The following PRDM16 variants were observed in gnomAD, a reference collection of about 807,000 sequenced individuals.
PRDM16 encodes histone-lysine N-methyltransferase PRDM16.
A neutral mutation model predicts 110.6 loss-of-function variants in PRDM16; 23 were observed. That is an observed-to-expected ratio of 0.21 (90% CI 0.15 to 0.29). The LOEUF (loss-of-function observed/expected upper bound fraction) is 0.29, where lower values mean the gene tolerates loss of function less well. Among genes scored for constraint, PRDM16 ranks in the 10% least tolerant of loss-of-function variants. The probability of loss-of-function intolerance (pLI) is 1.00; values close to 1 mark genes in which losing one functional copy is unlikely to be tolerated. For missense variants in PRDM16, 1,615 were observed against 1,794.3 expected, an observed-to-expected ratio of 0.90 and a Z score of 1.81; for synonymous variants, 799 against 781.8, an observed-to-expected ratio of 1.02 and a Z score of -0.37.
At chr1:3,429,632 G>A (rs1460342938) in intron 14 of PRDM16, among the ~76,000 whole-genome samples, 2 of 152,242 alleles carry the variant, frequency 1.3e-5, no homozygotes, top group African/African-American at 2.4e-5. Context: ...ACCAGGACCC[G>A]GATCCCAGCA....
At position 3,249,303 on chromosome 1, in the gene PRDM16, C is replaced by T. The variant is rs577033722; in HGVS notation, c.438+5166C>T. Among the ~76,000 whole-genome samples, 5 of 152,170 alleles carry T rather than the reference C, an allele frequency of 3.3e-5. No individual in the cohort carries two copies. In the South Asian group the frequency reaches 1.0e-3, roughly 32 times the overall value. ...AAACACAGAGCTGCAGAAGGAGGCG[C>T]TGCTATGCATGCATCGGGCTCAGCT... On this transcript the variant is annotated intron_variant, in intron 3 of 16. Coordinates refer to ENST00000270722, the MANE Select transcript of PRDM16 (RefSeq NM_022114.4).
intron 1 of PRDM16, among the ~76,000 whole-genome samples, chr1:3,172,080 G>A (rs905954081): frequency 6.6e-5 from 10 of 152,218 alleles, no homozygotes; most frequent in African/African-American, 2.2e-4. Flanking sequence ...CGGCTGCCAA[G>A]CCAGCTGCCC....
intron 1 of PRDM16, among the ~76,000 whole-genome samples, chr1:3,147,690 C>G (rs971875425): frequency 6.6e-6 from 1 of 152,156 alleles, no homozygotes; most frequent in African/African-American, 2.4e-5. Flanking sequence ...TCTGGGCACC[C>G]AGGACTTGGC....
At chr1:3,166,971 C>T (rs920288637) in intron 1 of PRDM16, among the ~76,000 whole-genome samples, 2 of 152,164 alleles carry the variant, frequency 1.3e-5, no homozygotes, top group Admixed American at 6.5e-5. Context: ...TGCTCGAGTA[C>T]GCACGGTGGA....
chr1:3,202,569 T>G (rs1638656265), intron 2 of PRDM16, among the ~76,000 whole-genome samples: 1 of 152,206 alleles, frequency 6.6e-6, no homozygotes, highest in Non-Finnish European at 1.5e-5. Flanking sequence ...CCATGTCCCC[T>G]TAAGGGTCTG....
intron 3 of PRDM16, among the ~76,000 whole-genome samples, chr1:3,301,732 A>G (rs1641212697): frequency 1.3e-5 from 2 of 152,208 alleles, no homozygotes; most frequent in Admixed American, 1.3e-4. Context: ...AAGCAAAGCC[A>G]CTGTCCCAAG....
intron 1 of PRDM16, among the ~76,000 whole-genome samples, chr1:3,128,803 G>C (rs984713172): frequency 3.9e-5 from 6 of 152,246 alleles, no homozygotes; most frequent in African/African-American, 1.4e-4. Context: ...GTAGCCTGAA[G>C]AGTGGACAGC....
chr1:3,406,435 G>A (rs571478716), intron 8 of PRDM16, among the ~76,000 whole-genome samples: 12 of 152,190 alleles, frequency 7.9e-5, no homozygotes, highest in South Asian at 6.2e-4. Flanking sequence ...GTGAGTGAGC[G>A]GAGTGAGAAG....
Position 3,425,961 on chromosome 1 carries a change from C to A in PRDM16, c.3110-90C>A, listed in dbSNP as rs1333945565. On this transcript the variant is annotated intron_variant, in intron 13 of 16. Coordinates refer to ENST00000270722, the MANE Select transcript of PRDM16 (RefSeq NM_022114.4). This position sits in a 1 kb window ranked among gnomAD's most constrained non-coding sequence, Gnocchi z 6.9. ...TAAGAAACCTGCCTCCCTAACAGCA[C>A]CCCAGGTGTACCCCGTTCGCGGTTG... 4 of 1,430,864 alleles carry A rather than the reference C, an allele frequency of 2.8e-6. No homozygotes were observed. The highest frequency in any genetic ancestry group is 3.8e-6 in the Non-Finnish European group (4 of 1,061,656). The allele number at this position is 1,430,864 out of a possible 1,614,324, so 88.6% of individuals were successfully genotyped here. A position where few individuals can be genotyped will look rare whatever the true frequency, so the allele number is the denominator to read the frequency against.
chr1:3,410,006 A>ATG (rs766693792), intron 8 of PRDM16, among the ~76,000 whole-genome samples: 27 of 94,584 alleles, frequency 2.9e-4, no homozygotes, highest in African/African-American at 9.9e-4. Flanking sequence ...GGGGGTGTGC[A>ATG]TGTGTGTGTG....
At chr1:3,380,959 G>A (rs987100947) in intron 3 of PRDM16, among the ~76,000 whole-genome samples, 8 of 152,190 alleles carry the variant, frequency 5.3e-5, no homozygotes, top group African/African-American at 1.2e-4. Flanking sequence ...ATCAGTGGCC[G>A]GATCACAGGC....
At chr1:3,105,717 C>T (rs994104923) in intron 1 of PRDM16, among the ~76,000 whole-genome samples, 1 of 152,348 alleles carries the variant, frequency 6.6e-6, no homozygotes, top group Admixed American at 6.5e-5. Flanking sequence ...ATTCCTAACT[C>T]GGCCCACAAG....
intron 1 of PRDM16, among the ~76,000 whole-genome samples, chr1:3,070,652 G>A (rs1194071222): frequency 6.6e-6 from 1 of 151,230 alleles, no homozygotes; most frequent in African/African-American, 2.4e-5. Flanking sequence ...CGGCCTCGCA[G>A]CTCCCGGGGC....
intron 1 of PRDM16, among the ~76,000 whole-genome samples, chr1:3,179,386 G>T (rs577884231): frequency 7.2e-5 from 11 of 152,202 alleles, no homozygotes; most frequent in South Asian, 2.1e-4. Context: ...GGGATGACAG[G>T]CTCCTTCACC....
At chr1:3,267,750 C>T (rs1003824350) in intron 3 of PRDM16, among the ~76,000 whole-genome samples, 17 of 152,230 alleles carry the variant, frequency 1.1e-4, no homozygotes, top group Admixed American at 3.3e-4. Context: ...GCGCCAGCCT[C>T]TCCCTCAGTG....
chr1:3,110,335 G>T (rs546343291), intron 1 of PRDM16, among the ~76,000 whole-genome samples: 9 of 134,054 alleles, frequency 6.7e-5, no homozygotes, highest in African/African-American at 2.3e-4. Flanking sequence ...CACAGTGCTC[G>T]GGGGCTCCCC....
intron 8 of PRDM16, among the ~76,000 whole-genome samples, chr1:3,408,511 G>C (rs568476733): frequency 6.8e-6 from 1 of 147,900 alleles, no homozygotes; most frequent in East Asian, 2.0e-4. Flanking sequence ...CGCGTGCACC[G>C]GTGCGTGTGT....
chr1:3,250,466 GC>G (rs1162753319), intron 3 of PRDM16, among the ~76,000 whole-genome samples: 2 of 151,600 alleles, frequency 1.3e-5, no homozygotes, highest in Non-Finnish European at 2.9e-5. Context: ...TTTTGCCGCC[GC>G]CCCCCCACCG....
intron 2 of PRDM16, among the ~76,000 whole-genome samples, chr1:3,219,026 A>T (rs1639094209): frequency 6.6e-6 from 1 of 152,164 alleles, no homozygotes; most frequent in African/African-American, 2.4e-5. Flanking sequence ...TGCCGGGCTG[A>T]GCGGAGAGCT....
Sources: allele counts gnomAD v4.1 joint callset (sites outside exome capture counted in the v4.1 genomes callset), GRCh38; gene constraint gnomAD v4.1.1; non-coding constraint Gnocchi (gnomAD v3.1); transcripts MANE v1.5; gene names NCBI Gene and HGNC (gene_info 2026-07-23, HGNC 2026-07-21).